The following EZH2 variants were observed in gnomAD, a reference collection of about 807,000 sequenced individuals.
EZH2 encodes enhancer of zeste 2 polycomb repressive complex 2 subunit, also known as histone-lysine N-methyltransferase EZH2.
EZH2 carries 18 observed loss-of-function variants against 98.4 expected under a neutral mutation model. That is an observed-to-expected ratio of 0.18 (90% CI 0.13 to 0.27). EZH2 has a LOEUF of 0.27. Ranked by LOEUF, EZH2 falls within the 10% of genes least tolerant of loss-of-function variation. The pLI is 1.00. For synonymous variants in EZH2, 338 were observed against 312.3 expected (o/e 1.08, Z -0.87); for missense variants, 470 against 935.1 (o/e 0.50, Z 6.49).
At chr7:148,817,159 AC>A in intron 11 of EZH2, 62 bp downstream of exon 11, 21 of 1,460,122 alleles carry the variant, frequency 1.4e-5, no homozygotes, top group Non-Finnish European at 1.9e-5. Flanking sequence ...TGTTTGGACA[AC>A]GAGTACAGTT....
chr7:148,847,987 A>T (rs1269141050), intron 1 of EZH2, among the ~76,000 whole-genome samples: 1 of 152,198 alleles, frequency 6.6e-6, no homozygotes, highest in Non-Finnish European at 1.5e-5. Flanking sequence ...CTCAGAACCA[A>T]TTATGTTTAA....
intron 1 of EZH2, among the ~76,000 whole-genome samples, chr7:148,850,761 C>T (rs924419560): frequency 1.3e-5 from 2 of 152,174 alleles, no homozygotes; most frequent in African/African-American, 2.4e-5. Flanking sequence ...GACCGCCCCC[C>T]GCCAACCCCA....
chr7:148,813,951 T>G lies in EZH2; in HGVS notation c.1851+8A>C, dbSNP rs747707159. 1 of 1,609,788 alleles carries G rather than the reference T, an allele frequency of 6.2e-7. No individual in the cohort carries two copies. Among genetic ancestry groups the G allele is most frequent in the East Asian group, 2.2e-5 (1 of 44,800 alleles). ...CAAACAATCTTCCAGAAGTGACTTG[T>G]TGCTCACCTTTTTGGAGCCCCGCTG... On this transcript the variant is annotated splice_region_variant and intron_variant, in intron 15 of 19. Transcript: ENST00000320356.
chr7:148,879,226 AAAAAACAAAAAC>A (rs149467457), intron 1 of EZH2, among the ~76,000 whole-genome samples: 199 of 143,432 alleles, frequency 1.4e-3, no homozygotes, highest in African/African-American at 5.3e-3. Flanking sequence ...ACTCCATATC[AAAAAACAAAAAC>A]AAAAACAAAA....
Position 148,809,298 on chromosome 7 carries a change from A to T in EZH2, c.2110+12T>A, listed in dbSNP as rs749421579. 6.2e-7 allele frequency: 1 copy of T among 1,600,140 alleles called. No homozygotes were observed. Among genetic ancestry groups the T allele is most frequent in the Non-Finnish European group, 8.6e-7 (1 of 1,167,984 alleles). On this transcript the variant is annotated intron_variant, in intron 18 of 19. Coordinates refer to ENST00000320356, the MANE Select transcript of EZH2 (RefSeq NM_004456.5). ...AAAAGGGAGTTCCAATTCTCACGTC[A>T]AAGGTACCTACCTTTTGCATAGCAG...
intron 1 of EZH2, among the ~76,000 whole-genome samples, chr7:148,863,238 GAACA>G (rs368313850): frequency 9.2e-5 from 14 of 151,854 alleles, no homozygotes; most frequent in African/African-American, 3.1e-4. Context: ...AGAGAACCTA[GAACA>G]GACAATATAT....
intron 1 of EZH2, among the ~76,000 whole-genome samples, chr7:148,872,257 C>T (rs557750336): frequency 8.5e-5 from 13 of 152,054 alleles, no homozygotes; most frequent in African/African-American, 3.1e-4. Flanking sequence ...CTGTTTAATC[C>T]CATGCATGTA....
At position 148,832,733 on chromosome 7, in the gene EZH2, G is replaced by C; in HGVS notation, c.264C>G (p.Asp88Glu). The stretch of plus-strand genomic sequence containing the variant: ...GGATGACTTGTGTTGGAAAATCCAA[G>C]TCACTGGTCACCGAACACTAAAACA... ...RGTRECSVTS[D>E]LDFPTQVIPL... The change falls in exon 4 of 20, where the codon GAC (aspartate) becomes GAG (glutamate). Residue 88 changes from aspartate to glutamate, a missense_variant. Transcript: ENST00000320356. 6.2e-7 allele frequency: 1 copy of C among 1,607,020 alleles called. No individual in the cohort carries two copies. The highest frequency in any genetic ancestry group is 8.5e-7 in the Non-Finnish European group (1 of 1,175,702).
At chr7:148,847,911 T>A (rs1216787026) in intron 1 of EZH2, among the ~76,000 whole-genome samples, 1 of 152,226 alleles carries the variant, frequency 6.6e-6, no homozygotes, top group Non-Finnish European at 1.5e-5. Flanking sequence ...GTTTCTGCTA[T>A]CAAGCGAAAA....
chr7:148,815,598 C>G (rs762326433), intron 12 of EZH2, 52 bp from the exon 13 acceptor site: 1 of 1,530,934 alleles, frequency 6.5e-7, no homozygotes, highest in East Asian at 2.2e-5. Context: ...AGCTACAAAT[C>G]CAACAGAGAG....
Position 148,818,061 on chromosome 7 carries a change from T to G in EZH2, c.1056A>C (p.Pro352=). Residue 352 remains proline (P), a synonymous_variant, in exon 10 of 20, where the codon CCA becomes CCC. Transcript: ENST00000320356. ...ALTAERIKTP[P]KRPGGRRRGR... is the part of the protein sequence containing the mutation. ...CTCTTCTGCGGCCTCCTGGACGTTT[T>G]GGTGGGGTCTTTATCCGCTCAGCGG... 1 of 1,613,902 alleles carries G rather than the reference T, an allele frequency of 6.2e-7. No homozygotes were observed.
intron 14 of EZH2, 85 bp downstream of exon 14, chr7:148,814,829 C>T (rs1182831935): frequency 3.4e-6 from 5 of 1,487,594 alleles, no homozygotes; most frequent in Non-Finnish European, 3.6e-6. Flanking sequence ...GGAGTGCTCC[C>T]ATGTTCTTAT....
At chr7:148,882,971 C>G (rs1042261843) in intron 1 of EZH2, among the ~76,000 whole-genome samples, 2 of 152,248 alleles carry the variant, frequency 1.3e-5, no homozygotes, top group African/African-American at 2.4e-5. Flanking sequence ...TAATAAGAAA[C>G]TGCTAACCGT....
chr7:148,818,442 A>C (rs911473016), intron 9 of EZH2, among the ~76,000 whole-genome samples: 8 of 152,216 alleles, frequency 5.3e-5, no homozygotes, highest in African/African-American at 1.9e-4. Context: ...AATATACTTC[A>C]TGTAATAAAG....
chr7:148,830,015 CT>C (rs1182302329), intron 4 of EZH2, among the ~76,000 whole-genome samples, 167 bp from the exon 5 acceptor site: 2 of 152,046 alleles, frequency 1.3e-5, no homozygotes, highest in African/African-American at 4.8e-5. Flanking sequence ...TAAAAGACCC[CT>C]CTCACCAATA....
chr7:148,834,014 T>C (rs550408674), intron 3 of EZH2, among the ~76,000 whole-genome samples: 1 of 152,180 alleles, frequency 6.6e-6, no homozygotes, highest in African/African-American at 2.4e-5. Context: ...CATTATCTTC[T>C]GTATCACTAA....
At chr7:148,881,964 A>G (rs868281324) in intron 1 of EZH2, among the ~76,000 whole-genome samples, 5,103 of 58,540 alleles carry the variant, frequency 0.087, 113 homozygotes, top group Non-Finnish European at 0.12. Context: ...ACACACACAC[A>G]CGCGCGCGCA....
chr7:148,813,410 T>C (rs975189795), intron 15 of EZH2, among the ~76,000 whole-genome samples: 1 of 151,876 alleles, frequency 6.6e-6, no homozygotes, highest in African/African-American at 2.4e-5. Flanking sequence ...TCCTGGCTGA[T>C]AGAGTTAACT....
intron 1 of EZH2, among the ~76,000 whole-genome samples, chr7:148,881,959 C>T (rs1821033123): frequency 2.9e-5 from 2 of 68,534 alleles, no homozygotes; most frequent in African/African-American, 1.6e-4. Context: ...TATACACACA[C>T]ACACACGCGC....
Sources: gnomAD v4.1 joint callset for allele counts (sites outside exome capture counted in the v4.1 genomes callset) on GRCh38, gnomAD v4.1.1 for gene constraint, MANE v1.5 for transcripts, NCBI Gene and HGNC (gene_info 2026-07-23, HGNC 2026-07-21) for gene names.